The following INPP4A variants were observed in gnomAD, a reference collection of about 807,000 sequenced individuals.
INPP4A encodes inositol polyphosphate-4-phosphatase, type I, 107kD.
In INPP4A, 33 loss-of-function variants were observed where a neutral mutation model predicts 119.8. That is an observed-to-expected ratio of 0.28 (90% CI 0.21 to 0.37). The LOEUF (loss-of-function observed/expected upper bound fraction) is 0.37, where lower values mean the gene tolerates loss of function less well. Ranked by LOEUF, INPP4A falls within the 10% of genes least tolerant of loss-of-function variation. INPP4A has a pLI of 1.00. For synonymous variants in INPP4A, 496 were observed against 500.7 expected, an observed-to-expected ratio of 0.99 and a Z score of 0.12; for missense variants, 956 against 1,289.9, an observed-to-expected ratio of 0.74 and a Z score of 3.97.
chr2:98,543,785 C>G (rs1404300078), intron 10 of INPP4A, 92 bp from the exon 11 acceptor site: 1 of 1,497,314 alleles, frequency 6.7e-7, no homozygotes, highest in Non-Finnish European at 9.1e-7. Context: ...TGATACTTCC[C>G]CTGCAAATGC....
At chr2:98,463,436 A>G (rs1325605594) in intron 1 of INPP4A, among the ~76,000 whole-genome samples, 1 of 152,222 alleles carries the variant, frequency 6.6e-6, no homozygotes, top group Non-Finnish European at 1.5e-5. Context: ...AAGGTGCTCT[A>G]CATCTCAGAG....
At chr2:98,572,989 A>G in intron 23 of INPP4A, 62 bp downstream of exon 23, 2 of 1,216,796 alleles carry the variant, frequency 1.6e-6, no homozygotes, top group Non-Finnish European at 2.4e-6. Context: ...GTCATGACAG[A>G]AACATTACAA....
At chr2:98,462,938 T>C (rs1673896362) in intron 1 of INPP4A, among the ~76,000 whole-genome samples, 1 of 151,952 alleles carries the variant, frequency 6.6e-6, no homozygotes, top group African/African-American at 2.4e-5. Flanking sequence ...ACCTCCCGGG[T>C]TCAAGCCATT....
At position 98,563,460 on chromosome 2, in the gene INPP4A, C is replaced by T. The variant is rs1158702769; in HGVS notation, c.1856-5C>T. 6.2e-7 allele frequency: 1 copy of T among 1,611,322 alleles called. No individual in the cohort carries two copies. Among genetic ancestry groups the T allele is most frequent in the African/African-American group, 1.3e-5 (1 of 74,958 alleles). ...ATTGTGATGACCCCTTCGCTTGTGCCCCAGGTGAATGGAGTGAGGCCCTTT... is the reference window on the plus strand; with the variant it reads ...ATTGTGATGACCCCTTCGCTTGTGCTCCAGGTGAATGGAGTGAGGCCCTTT... On this transcript the variant is annotated splice_region_variant and splice_polypyrimidine_tract_variant and intron_variant, in intron 17 of 24. Transcript: ENST00000409851.
intron 1 of INPP4A, among the ~76,000 whole-genome samples, chr2:98,492,462 G>C (rs1433856635): frequency 6.6e-6 from 1 of 152,182 alleles, no homozygotes; most frequent in Non-Finnish European, 1.5e-5. Context: ...TGAAGGGGTT[G>C]GCTCTATTGA....
Position 98,519,965 on chromosome 2 carries a change from G to A in INPP4A, c.-84G>A. ...TCTCAGGGCTACTGCCACTTTAGTGGACTAGGGCTCGGTGCCAGCACTTCC... is the reference window on the plus strand; with the variant it reads ...TCTCAGGGCTACTGCCACTTTAGTGAACTAGGGCTCGGTGCCAGCACTTCC... On this transcript the variant is annotated 5_prime_UTR_variant, in exon 3 of 25. Coordinates refer to ENST00000409851, the MANE Select transcript of INPP4A (RefSeq NM_001134225.2). The A allele has an allele frequency of 9.2e-7, 1 of 1,089,998 alleles. No homozygotes were observed. The highest frequency in any genetic ancestry group is 1.4e-6 in the Non-Finnish European group (1 of 726,222). The allele number at this position is 1,089,998 out of a possible 1,614,324, so 67.5% of individuals were successfully genotyped here.
intron 24 of INPP4A, among the ~76,000 whole-genome samples, chr2:98,581,310 A>AT (rs1369754879): frequency 3.3e-5 from 5 of 151,586 alleles, no homozygotes; most frequent in Non-Finnish European, 5.9e-5. Flanking sequence ...AGATTGCAGT[A>AT]TTTTTTCTTA....
chr2:98,505,021 GCTCT>G (rs1683783016), intron 1 of INPP4A, among the ~76,000 whole-genome samples: 1 of 152,194 alleles, frequency 6.6e-6, no homozygotes, highest in African/African-American at 2.4e-5. Flanking sequence ...TTCACTCTAG[GCTCT>G]CTGTCTTTTC....
At chr2:98,487,126 G>C (rs1679720703) in intron 1 of INPP4A, among the ~76,000 whole-genome samples, 1 of 152,216 alleles carries the variant, frequency 6.6e-6, no homozygotes. Flanking sequence ...CTCCTGCCAG[G>C]CTGTTGTTAA....
intron 23 of INPP4A, among the ~76,000 whole-genome samples, chr2:98,574,905 G>A (rs563266177): frequency 6.6e-6 from 1 of 152,320 alleles, no homozygotes; most frequent in East Asian, 1.9e-4. Context: ...TGTATTTCTT[G>A]TTCCCAGTAG....
At chr2:98,529,571 A>G (rs1326562095) in intron 4 of INPP4A, among the ~76,000 whole-genome samples, 1 of 151,880 alleles carries the variant, frequency 6.6e-6, no homozygotes. Context: ...CGTCTCTACT[A>G]AAAAAATACA....
chr2:98,458,829 C>T (rs555608014), intron 1 of INPP4A, among the ~76,000 whole-genome samples: 2 of 152,258 alleles, frequency 1.3e-5, no homozygotes, highest in South Asian at 4.1e-4. Flanking sequence ...ATCTCCAGAC[C>T]TTAAGCGGGT....
chr2:98,514,183 AGAGTGGT>A (rs1160291151), intron 1 of INPP4A, among the ~76,000 whole-genome samples: 3 of 152,180 alleles, frequency 2.0e-5, no homozygotes, highest in Non-Finnish European at 2.9e-5. Flanking sequence ...TGGAGTCTCC[AGAGTGGT>A]GAGGTCCAAG....
At chr2:98,474,650 C>A (rs1424674161) in intron 1 of INPP4A, among the ~76,000 whole-genome samples, 1 of 152,204 alleles carries the variant, frequency 6.6e-6, no homozygotes, top group Non-Finnish European at 1.5e-5. Context: ...AGGCAGCAGA[C>A]CCATCTCACC....
At chr2:98,468,123 A>G (rs1474059416) in intron 1 of INPP4A, among the ~76,000 whole-genome samples, 1 of 152,260 alleles carries the variant, frequency 6.6e-6, no homozygotes, top group African/African-American at 2.4e-5. Context: ...TGAATTTGTA[A>G]TAACCCTGAG....
rs751609421 is a variant in INPP4A, at chr2:98,539,622, C to T, written c.765C>T (p.Ser255=). 6.2e-7 allele frequency: 1 copy of T among 1,611,238 alleles called. No individual in the cohort carries two copies. Among genetic ancestry groups the T allele is most frequent in the Non-Finnish European group, 8.5e-7 (1 of 1,178,690 alleles). ...ILEQMAESVL[S]LHVPRQFVKL... is the part of the protein sequence containing the mutation. ...AGCAGATGGCAGAGAGCGTGCTCTC[C>T]CTGCACGTGCCCCGGCAGTTCGTGA... Residue 255 remains serine, a synonymous_variant, in exon 10 of 25, where the codon TCC becomes TCT. Coordinates refer to ENST00000409851, the MANE Select transcript of INPP4A (RefSeq NM_001134225.2).
intron 20 of INPP4A, 75 bp downstream of exon 20, chr2:98,565,841 C>G: frequency 1.3e-6 from 2 of 1,570,912 alleles, no homozygotes; most frequent in Non-Finnish European, 1.7e-6. Flanking sequence ...AGGTACTCTT[C>G]TGAATTTTTT....
intron 1 of INPP4A, among the ~76,000 whole-genome samples, chr2:98,486,677 T>A (rs1355303530): frequency 6.6e-6 from 1 of 152,278 alleles, no homozygotes; most frequent in Non-Finnish European, 1.5e-5. Flanking sequence ...GTAAAATTAA[T>A]TCTTAGAAGG....
chr2:98,464,539 T>C (rs1674342860), intron 1 of INPP4A, among the ~76,000 whole-genome samples: 1 of 152,184 alleles, frequency 6.6e-6, no homozygotes, highest in Admixed American at 6.5e-5. Flanking sequence ...TTTTTTTGCC[T>C]GCCCAGCCTC....
Sources: allele counts gnomAD v4.1 joint callset (sites outside exome capture counted in the v4.1 genomes callset), GRCh38; gene constraint gnomAD v4.1.1; transcripts MANE v1.5; gene names NCBI Gene and HGNC (gene_info 2026-07-23, HGNC 2026-07-21).